PBRM1: variants seen among roughly 807,000 people sequenced by gnomAD.
PBRM1 encodes protein polybromo-1.
A neutral mutation model predicts 194.5 loss-of-function variants in PBRM1; 27 were observed. The ratio of observed to expected loss-of-function variants is 0.14; its 90% CI spans 0.10 to 0.19. The LOEUF (loss-of-function observed/expected upper bound fraction) is 0.19, where lower values mean the gene tolerates loss of function less well. PBRM1 is among the 10% of genes least tolerant of loss of function. The probability of loss-of-function intolerance (pLI) is 1.00; values close to 1 mark genes in which losing one functional copy is unlikely to be tolerated. For missense variants in PBRM1, 1,466 were observed against 2,077.2 expected, an observed-to-expected ratio of 0.71 and a Z score of 5.72; for synonymous variants, 655 against 693.2, an observed-to-expected ratio of 0.94 and a Z score of 0.87.
At chr3:52,566,176 C>A (rs28805009) in intron 22 of PBRM1, among the ~76,000 whole-genome samples, 2 of 151,126 alleles carry the variant, frequency 1.3e-5, no homozygotes, top group African/African-American at 2.4e-5. Flanking sequence ...AAAAAAAAAA[C>A]CCAAAACAGA....
At chr3:52,604,460 G>T (rs745957218) in intron 16 of PBRM1, among the ~76,000 whole-genome samples, 1 of 152,196 alleles carries the variant, frequency 6.6e-6, no homozygotes, top group African/African-American at 2.4e-5. Flanking sequence ...CAATGCTTTG[G>T]GAGGCCGAGG....
chr3:52,605,619 T>TTGG (rs2094299480), intron 16 of PBRM1, among the ~76,000 whole-genome samples: 1 of 151,106 alleles, frequency 6.6e-6, no homozygotes, highest in African/African-American at 2.4e-5. Flanking sequence ...TTTTTTTTTT[T>TTGG]GAGATGGAGT....
At chr3:52,658,579 G>C (rs2096655152) in intron 4 of PBRM1, among the ~76,000 whole-genome samples, 1 of 152,006 alleles carries the variant, frequency 6.6e-6, no homozygotes, top group Middle Eastern at 3.2e-3. Context: ...TTTTTTAGTA[G>C]AGACGGGGTT....
exon 1 of PBRM1, chr3:52,685,823 C>T (rs2097305128): frequency 2.4e-6 from 1 of 418,138 alleles, no homozygotes; most frequent in South Asian, 3.5e-5. Flanking sequence ...GCCACGGCTG[C>T]TGCTATTGCT....
chr3:52,651,686 G>C, intron 6 of PBRM1, 56 bp downstream of exon 7: 1 of 982,416 alleles, frequency 1.0e-6, no homozygotes, highest in East Asian at 2.5e-5. Flanking sequence ...TTCTAGGAAA[G>C]ATCATAGGCC....
chr3:52,555,372 G>A (rs2081993791), intron 26 of PBRM1, among the ~76,000 whole-genome samples: 1 of 152,200 alleles, frequency 6.6e-6, no homozygotes, highest in Non-Finnish European at 1.5e-5. Context: ...TGGTTCTCCA[G>A]CTTTGGGGCA....
intron 6 of PBRM1, among the ~76,000 whole-genome samples, chr3:52,648,840 C>T (rs2096403014): frequency 6.6e-6 from 1 of 152,158 alleles, no homozygotes; most frequent in Non-Finnish European, 1.5e-5. Flanking sequence ...ACATGAACCA[C>T]TTGGGGTAAA....
intron 13 of PBRM1, among the ~76,000 whole-genome samples, chr3:52,622,368 ATACT>A (rs2095311023): frequency 6.6e-6 from 1 of 152,104 alleles, no homozygotes; most frequent in Non-Finnish European, 1.5e-5. Context: ...AGACAAAAAA[ATACT>A]TAGGAGGACA....
In PBRM1 at chr3:52,667,998, T is replaced by A. The variant is rs565865326; in HGVS notation, c.384+500A>T. On this transcript the variant is annotated intron_variant, in intron 3 of 29. Transcript: ENST00000296302. The stretch of plus-strand genomic sequence containing the variant: ...CAGACAGAGAAATAAGAATAGTTCA[T>A]AATCACATGAATGTGGGTTGGGCAC... Among the ~76,000 whole-genome samples, 154 of 152,208 alleles carry A rather than the reference T, an allele frequency of 1.0e-3. 1 individual carries two copies. Among genetic ancestry groups the A allele is most frequent in the African/African-American group, 3.6e-3 (150 of 41,532 alleles).
chr3:52,587,310 C>A (rs757958160), intron 19 of PBRM1, 43 bp downstream of exon 21: 9 of 1,377,426 alleles, frequency 6.5e-6, no homozygotes, highest in Non-Finnish European at 1.0e-6. Context: ...AAATTTTATT[C>A]CTAGGGAATG....
chr3:52,590,059 C>A (rs911233754), intron 17 of PBRM1, among the ~76,000 whole-genome samples: 2 of 151,936 alleles, frequency 1.3e-5, no homozygotes, highest in Non-Finnish European at 1.5e-5. Context: ...ATCTCTCGAC[C>A]TGAGATCCGC....
chr3:52,678,414 AC>A (rs1284164578), intron 2 of PBRM1, 85 bp downstream of exon 3: 1 of 843,530 alleles, frequency 1.2e-6, no homozygotes, highest in African/African-American at 1.7e-5. Flanking sequence ...ATTCCTGCCA[AC>A]AAAAAGCTCA....
At chr3:52,590,733 G>C (rs1164053392) in intron 17 of PBRM1, among the ~76,000 whole-genome samples, 1 of 152,134 alleles carries the variant, frequency 6.6e-6, no homozygotes, top group Non-Finnish European at 1.5e-5. Context: ...AAAGTGCTGG[G>C]ATTACAAGCG....
chr3:52,681,812 T>C (rs1041585004), upstream of PBRM1: 2 of 614,072 alleles, frequency 3.3e-6, no homozygotes, highest in Non-Finnish European at 4.2e-6. Context: ...AGTGTTAGTA[T>C]ATTCAAAACT....
At chr3:52,678,810 G>C (rs776195769) in intron 1 of PBRM1, among the ~76,000 whole-genome samples, 4 of 152,238 alleles carry the variant, frequency 2.6e-5, no homozygotes, top group Admixed American at 6.5e-5. Flanking sequence ...TCTTTCATCA[G>C]ATTTATGCTC....
upstream of PBRM1, among the ~76,000 whole-genome samples, chr3:52,682,991 G>A (rs908435776): frequency 2.0e-4 from 31 of 152,100 alleles, no homozygotes; most frequent in African/African-American, 6.0e-4. Context: ...CCTGAGGTCA[G>A]GAGATCAAGA....
intron 27 of PBRM1, among the ~76,000 whole-genome samples, 174 bp from the exon 30 acceptor site, chr3:52,550,991 T>C (rs1559801130): frequency 6.6e-6 from 1 of 152,254 alleles, no homozygotes; most frequent in Non-Finnish European, 1.5e-5. Flanking sequence ...AAAGTTGTTT[T>C]GTTTCTAGGT....
chr3:52,676,529 T>C (rs574875236), intron 2 of PBRM1, among the ~76,000 whole-genome samples: 9 of 152,372 alleles, frequency 5.9e-5, no homozygotes, highest in East Asian at 1.9e-4. Context: ...CCCAGCCATA[T>C]GGAACTGTAA....
At chr3:52,651,902 A>C in intron 5 of PBRM1, 92 bp from the exon 7 acceptor site, 3 of 794,868 alleles carry the variant, frequency 3.8e-6, no homozygotes, top group Non-Finnish European at 4.2e-6. Flanking sequence ...TTGTTCAAAC[A>C]ACCAGTGAAG....
Sources: allele counts gnomAD v4.1 joint callset (sites outside exome capture counted in the v4.1 genomes callset), GRCh38; gene constraint gnomAD v4.1.1; transcripts MANE v1.5; gene names NCBI Gene and HGNC (gene_info 2026-07-23, HGNC 2026-07-21).